NUP93: variants seen among roughly 807,000 people sequenced by gnomAD.
NUP93 encodes the protein nucleoporin 93.
In NUP93, 55 loss-of-function variants were observed where a neutral mutation model predicts 107.8. The observed-to-expected ratio is 0.51, with a 90% confidence interval of 0.41 to 0.64. The LOEUF (loss-of-function observed/expected upper bound fraction) is 0.64, where lower values mean the gene tolerates loss of function less well. Among genes scored for constraint, NUP93 ranks in the 30% least tolerant of loss-of-function variants. The pLI, the probability that NUP93 is intolerant of heterozygous loss-of-function variation, is 0.00. For synonymous variants in NUP93, 390 were observed against 397.5 expected (o/e 0.98, Z 0.22); for missense variants, 937 against 1,044.7 (o/e 0.90, Z 1.42).
chr16:56,787,460 G>T (rs528883915), intron 3 of NUP93, among the ~76,000 whole-genome samples: 1 of 152,152 alleles, frequency 6.6e-6, no homozygotes, highest in Admixed American at 6.5e-5. Context: ...AATCCTGAGC[G>T]CTGTAGAAAC....
chr16:56,742,192 CA>C (rs1257320118), intron 1 of NUP93, among the ~76,000 whole-genome samples: 1 of 152,194 alleles, frequency 6.6e-6, no homozygotes, highest in African/African-American at 2.4e-5. Context: ...ATATGCTCTC[CA>C]AATGAACAGT....
chr16:56,818,921 A>G (rs1047755795), intron 6 of NUP93, among the ~76,000 whole-genome samples, 183 bp downstream of exon 6: 2 of 152,246 alleles, frequency 1.3e-5, no homozygotes, highest in Admixed American at 1.3e-4. Flanking sequence ...TAATAGAATT[A>G]CTCACATTTG....
At chr16:56,792,328 T>TG (rs1208913019) in intron 3 of NUP93, among the ~76,000 whole-genome samples, 19 of 151,826 alleles carry the variant, frequency 1.3e-4, no homozygotes, top group Non-Finnish European at 1.8e-4. Context: ...ATGTAATGTA[T>TG]GGGGGGGAGG....
chr16:56,734,295 T>C (rs560354745), intron 1 of NUP93, among the ~76,000 whole-genome samples: 1 of 152,196 alleles, frequency 6.6e-6, no homozygotes, highest in Non-Finnish European at 1.5e-5. Flanking sequence ...GTAGGTATTT[T>C]GGAGGAGAAT....
intron 4 of NUP93, among the ~76,000 whole-genome samples, chr16:56,800,862 G>A (rs1296429880): frequency 6.6e-6 from 1 of 152,166 alleles, no homozygotes; most frequent in African/African-American, 2.4e-5. Context: ...AAAGCATATT[G>A]CCCTCTTCCC....
At chr16:56,833,827 C>T (rs1457210702) in intron 13 of NUP93, among the ~76,000 whole-genome samples, 2 of 152,036 alleles carry the variant, frequency 1.3e-5, no homozygotes, top group Non-Finnish European at 1.5e-5. Context: ...GCTGCAGGTT[C>T]CTTATTGTTG....
At chr16:56,823,869 G>C in intron 8 of NUP93, 23 bp downstream of exon 8, 1 of 1,608,184 alleles carries the variant, frequency 6.2e-7, no homozygotes, top group Non-Finnish European at 8.5e-7. Context: ...TAGCACAGTG[G>C]GGCTGGCTTT....
chr16:56,808,273 A>G (rs1167519402), intron 5 of NUP93, among the ~76,000 whole-genome samples: 2 of 44,572 alleles, frequency 4.5e-5, no homozygotes, highest in East Asian at 8.6e-4. Context: ...TTATGTAACT[A>G]TATAAAATAT....
chr16:56,736,059 G>T lies in NUP93; in HGVS notation c.-15+5848G>T, dbSNP rs373731321. 2.5e-4 allele frequency among the ~76,000 whole-genome samples: 38 copies of T among 152,334 alleles called. No homozygotes were observed. In the East Asian group the frequency reaches 3.5e-3, roughly 14 times the overall value. On this transcript the variant is annotated intron_variant, in intron 1 of 21. Coordinates refer to ENST00000308159, the MANE Select transcript of NUP93 (RefSeq NM_014669.5). ...TAAATCTGTTTAGGAGCTGGGTGCA[G>T]TGGCTCACGCCTGTAAGGCCAGCAC...
rs1057206361 is a variant in NUP93, at chr16:56,758,551, G to A, written c.193G>A (p.Gly65Arg). The change falls in exon 3 of 22, where the codon GGG (glycine) becomes AGG (arginine). Residue 65 changes from glycine (G) to arginine (R), a missense_variant. By Grantham distance (125) the Gly-to-Arg change is moderately radical. Coordinates refer to ENST00000308159, the MANE Select transcript of NUP93 (RefSeq NM_014669.5). ...TADVKASVLL[G>R]SRGLDISHIS... ...ATCCTCACATAGGTCAGTTCTCCTC[G>A]GGTCTCGGGGACTTGACATATCCCA... The A allele has an allele frequency of 6.2e-7, 1 of 1,613,278 alleles. No individual in the cohort carries two copies. Among genetic ancestry groups the A allele is most frequent in the Non-Finnish European group, 8.5e-7 (1 of 1,179,602 alleles).
intron 3 of NUP93, among the ~76,000 whole-genome samples, chr16:56,790,187 C>T (rs1276010035): frequency 1.3e-5 from 2 of 152,188 alleles, no homozygotes; most frequent in Non-Finnish European, 2.9e-5. Flanking sequence ...TGGACTTTTG[C>T]TATTCAGTCT....
chr16:56,761,792 A>G (rs1343048902), intron 3 of NUP93, among the ~76,000 whole-genome samples: 1 of 152,172 alleles, frequency 6.6e-6, no homozygotes, highest in African/African-American at 2.4e-5. Flanking sequence ...AACATTGATT[A>G]TATTTCCTTC....
intron 2 of NUP93, among the ~76,000 whole-genome samples, chr16:56,754,670 A>G (rs921026153): frequency 6.6e-6 from 1 of 152,228 alleles, no homozygotes; most frequent in African/African-American, 2.4e-5. Context: ...TTCTAGGCAC[A>G]TGGTGCAAAC....
At chr16:56,744,514 A>G (rs1479306213) in intron 1 of NUP93, among the ~76,000 whole-genome samples, 1 of 152,228 alleles carries the variant, frequency 6.6e-6, no homozygotes, top group Non-Finnish European at 1.5e-5. Flanking sequence ...ACTTTTTTGT[A>G]TAATTAATTT....
intron 2 of NUP93, among the ~76,000 whole-genome samples, chr16:56,753,125 T>A (rs1033226654): frequency 6.6e-5 from 10 of 152,196 alleles, no homozygotes; most frequent in African/African-American, 1.9e-4. Flanking sequence ...GAGAACCAAC[T>A]CATTATTCAG....
chr16:56,836,927 A>C (rs556105731), intron 17 of NUP93, among the ~76,000 whole-genome samples: 4 of 152,256 alleles, frequency 2.6e-5, no homozygotes, highest in African/African-American at 9.6e-5. Context: ...ACCAAACAAC[A>C]TATTGAAAGG....
intron 3 of NUP93, among the ~76,000 whole-genome samples, chr16:56,785,554 A>C (rs1052453494): frequency 1.4e-4 from 22 of 152,286 alleles, no homozygotes; most frequent in Admixed American, 4.6e-4. Flanking sequence ...CAAACCTTTT[A>C]CTGCTCTGAC....
chr16:56,795,199 T>A (rs977330583), intron 3 of NUP93, among the ~76,000 whole-genome samples: 12 of 152,090 alleles, frequency 7.9e-5, no homozygotes, highest in Admixed American at 4.6e-4. Context: ...CAGAGCAGAA[T>A]CCATGCCTAC....
intron 3 of NUP93, among the ~76,000 whole-genome samples, chr16:56,767,024 C>A (rs1367480737): frequency 1.3e-5 from 2 of 152,220 alleles, no homozygotes; most frequent in African/African-American, 4.8e-5. Context: ...AGATGCTCAG[C>A]TTCCATCTTG....
Sources: allele counts gnomAD v4.1 joint callset (sites outside exome capture counted in the v4.1 genomes callset), GRCh38; gene constraint gnomAD v4.1.1; transcripts MANE v1.5; gene names NCBI Gene and HGNC (gene_info 2026-07-23, HGNC 2026-07-21).